Variants in IQCM observed in about 807,000 individuals in gnomAD.
IQCM encodes the protein IQ domain-containing protein M.
IQCM carries 45 observed loss-of-function variants against 57.6 expected under a neutral mutation model. The ratio of observed to expected loss-of-function variants is 0.78; its 90% CI spans 0.62 to 1.00. The LOEUF is 1.00. Among genes scored for constraint, IQCM ranks in the 50% least tolerant of loss-of-function variants. The probability of loss-of-function intolerance (pLI) is 0.00; values close to 1 mark genes in which losing one functional copy is unlikely to be tolerated. For synonymous variants in IQCM, 148 were observed against 158.9 expected (o/e 0.93, Z 0.51); for missense variants, 468 against 511.6 (o/e 0.91, Z 0.82).
chr4:149,700,730 C>A (rs1018869604), intron 5 of IQCM, among the ~76,000 whole-genome samples: 3 of 152,010 alleles, frequency 2.0e-5, no homozygotes, highest in African/African-American at 7.2e-5. Context: ...CCTCTCTGAA[C>A]TTCTGTTTCC....
chr4:149,773,471 T>C (rs1770786484), intron 2 of IQCM, among the ~76,000 whole-genome samples: 2 of 152,220 alleles, frequency 1.3e-5, no homozygotes, highest in Admixed American at 1.3e-4. Context: ...CTTCTTAATC[T>C]TGTTTTAGAG....
intron 8 of IQCM, among the ~76,000 whole-genome samples, chr4:149,610,804 T>A (rs1048983752): frequency 6.6e-6 from 1 of 152,052 alleles, no homozygotes; most frequent in Middle Eastern, 3.2e-3. Flanking sequence ...AGGATGTAGG[T>A]CTTGGCAAAG....
At chr4:149,611,942 A>G (rs1192145306) in intron 8 of IQCM, among the ~76,000 whole-genome samples, 1 of 147,866 alleles carries the variant, frequency 6.8e-6, no homozygotes, top group Non-Finnish European at 1.5e-5. Flanking sequence ...CAACTATTAC[A>G]TATTTACAAT....
intron 8 of IQCM, among the ~76,000 whole-genome samples, chr4:149,616,049 C>A (rs970154330): frequency 1.3e-5 from 2 of 152,014 alleles, no homozygotes; most frequent in African/African-American, 2.4e-5. Context: ...GGTTATTCCT[C>A]AAAAAATTAA....
chr4:149,572,988 A>T (rs571215710), intron 9 of IQCM, among the ~76,000 whole-genome samples: 8 of 151,980 alleles, frequency 5.3e-5, no homozygotes, highest in African/African-American at 1.4e-4. Context: ...ATTTCTCCTA[A>T]GTATGAAAAA....
At chr4:149,604,060 A>G (rs1330712784) in intron 8 of IQCM, among the ~76,000 whole-genome samples, 1 of 152,158 alleles carries the variant, frequency 6.6e-6, no homozygotes, top group African/African-American at 2.4e-5. Flanking sequence ...AGTTTTCATA[A>G]TATATATAAA....
intron 5 of IQCM, among the ~76,000 whole-genome samples, chr4:149,692,944 A>G (rs894098594): frequency 1.3e-5 from 2 of 152,212 alleles, no homozygotes; most frequent in Non-Finnish European, 2.9e-5. Flanking sequence ...GAGGTTTTAC[A>G]ATGAAGTTAA....
chr4:149,489,902 G>C (rs1741911603), intron 12 of IQCM, among the ~76,000 whole-genome samples: 2 of 151,752 alleles, frequency 1.3e-5, no homozygotes, highest in South Asian at 4.1e-4. Context: ...TCTAGAATTT[G>C]AAATACAAGC....
intron 13 of IQCM, among the ~76,000 whole-genome samples, chr4:149,374,936 T>C (rs1281894949): frequency 6.6e-6 from 1 of 151,974 alleles, no homozygotes; most frequent in Non-Finnish European, 1.5e-5. Context: ...GACAAGATTA[T>C]GCCAAGTTCC....
At chr4:149,408,053 G>C (rs1380014316) in intron 13 of IQCM, among the ~76,000 whole-genome samples, 1 of 152,018 alleles carries the variant, frequency 6.6e-6, no homozygotes, top group East Asian at 1.9e-4. Context: ...GTGGAAGATG[G>C]TGGTTCTTAT....
intron 12 of IQCM, among the ~76,000 whole-genome samples, chr4:149,451,282 G>A (rs370466641): frequency 5.3e-5 from 8 of 151,864 alleles, no homozygotes; most frequent in African/African-American, 9.6e-5. Flanking sequence ...GCACAACAGG[G>A]TGACTTTAGT....
intron 5 of IQCM, among the ~76,000 whole-genome samples, chr4:149,724,867 T>G (rs887755568): frequency 6.6e-6 from 1 of 151,990 alleles, no homozygotes; most frequent in Non-Finnish European, 1.5e-5. Flanking sequence ...AAAACATTGA[T>G]TTTACATGAA....
intron 8 of IQCM, among the ~76,000 whole-genome samples, chr4:149,618,907 G>T (rs959655630): frequency 6.6e-6 from 1 of 151,880 alleles, no homozygotes; most frequent in Non-Finnish European, 1.5e-5. Flanking sequence ...ACCCTCTATG[G>T]GAAACAGTCT....
chr4:149,583,956 C>T (rs1752440068), intron 9 of IQCM, among the ~76,000 whole-genome samples: 1 of 151,118 alleles, frequency 6.6e-6, no homozygotes, highest in Non-Finnish European at 1.5e-5. Flanking sequence ...AATGAGATCC[C>T]ACTTCATCAC....
At chr4:149,569,242 T>C (rs533182016) in intron 9 of IQCM, among the ~76,000 whole-genome samples, 5 of 152,330 alleles carry the variant, frequency 3.3e-5, no homozygotes, top group African/African-American at 9.6e-5. Context: ...AATAGATAAC[T>C]GATGCATATA....
intron 2 of IQCM, among the ~76,000 whole-genome samples, chr4:149,769,582 A>G (rs1443692214): frequency 6.6e-6 from 1 of 152,062 alleles, no homozygotes; most frequent in Non-Finnish European, 1.5e-5. Flanking sequence ...TAAAAGTAAA[A>G]GGATAGAAAA....
intron 12 of IQCM, among the ~76,000 whole-genome samples, chr4:149,480,042 T>A (rs896334046): frequency 5.3e-5 from 8 of 152,234 alleles, no homozygotes; most frequent in Admixed American, 5.2e-4. Context: ...TATTAAAGGA[T>A]GATCTTATAT....
At chr4:149,444,450 A>C (rs1156659972) in intron 12 of IQCM, among the ~76,000 whole-genome samples, 1 of 151,970 alleles carries the variant, frequency 6.6e-6, no homozygotes, top group African/African-American at 2.4e-5. Context: ...TTTCCTGGAA[A>C]TATAAGACAA....
chr4:149,724,917 T>C (rs560122967), intron 5 of IQCM, among the ~76,000 whole-genome samples: 3 of 152,118 alleles, frequency 2.0e-5, no homozygotes, highest in South Asian at 4.1e-4. Context: ...AGTAATCTAA[T>C]AATTTAAAAT....
Sources: gnomAD v4.1 joint callset for allele counts (sites outside exome capture counted in the v4.1 genomes callset) on GRCh38, gnomAD v4.1.1 for gene constraint, MANE v1.5 for transcripts, NCBI Gene and HGNC (gene_info 2026-07-23, HGNC 2026-07-21) for gene names.